BNC1: variants seen among roughly 807,000 people sequenced by gnomAD.
BNC1 encodes the protein basonuclin zinc finger protein 1.
Under a neutral mutation model 66.5 loss-of-function variants are expected in BNC1, and 8 were observed. The ratio of observed to expected loss-of-function variants is 0.12; its 90% confidence interval spans 0.07 to 0.22. The LOEUF (loss-of-function observed/expected upper bound fraction) is 0.22, where lower values mean the gene tolerates loss of function less well. BNC1 is among the 10% of genes least tolerant of loss of function. BNC1 has a pLI of 1.00. For missense variants in BNC1, 1,069 were observed against 1,241.3 expected (o/e 0.86, Z 2.09); for synonymous variants, 454 against 452.6 (o/e 1.00, Z -0.04).
intron 1 of BNC1, among the ~76,000 whole-genome samples, chr15:83,273,075 T>G (rs1024471624): frequency 6.6e-6 from 1 of 152,170 alleles, no homozygotes; most frequent in Admixed American, 6.5e-5. Context: ...TTTAAATAAT[T>G]TTGTCTATAA....
chr15:83,259,978 CCCCT>C (rs1238805749), intron 4 of BNC1, among the ~76,000 whole-genome samples: 1 of 152,152 alleles, frequency 6.6e-6, no homozygotes, highest in Non-Finnish European at 1.5e-5. Context: ...CTCTACCTCT[CCCCT>C]CCAACTCTTC....
In BNC1 at chr15:83,263,572, T is replaced by C. The variant is rs771928056; in HGVS notation, c.1679A>G (p.Asn560Ser). The change falls in exon 4 of 5, where the codon AAC (asparagine) becomes AGC (serine). Residue 560 changes from asparagine (N) to serine (S), a missense_variant. By Grantham distance (46) the Asn-to-Ser change is conservative. Transcript: ENST00000345382. ...GGGCATGTCTTCATCTGAGCTGAGG[T>C]TGTGTCTTTTCTCATTAGCTATTTC... ...AVEIANEKRH[N>S]LSSDEDMPLQ... 4 of 1,614,206 alleles carry C rather than the reference T, an allele frequency of 2.5e-6. No homozygotes were observed. In the South Asian group the frequency reaches 4.4e-5, roughly 18 times the overall value.
At chr15:83,265,189 A>G (rs2038203866) in intron 3 of BNC1, among the ~76,000 whole-genome samples, 1 of 152,248 alleles carries the variant, frequency 6.6e-6, no homozygotes, top group Non-Finnish European at 1.5e-5. Flanking sequence ...AACAATAGTA[A>G]CTTCTTTATC....
At chr15:83,265,504 A>C (rs953864890) in intron 3 of BNC1, among the ~76,000 whole-genome samples, 1 of 152,206 alleles carries the variant, frequency 6.6e-6, no homozygotes, top group African/African-American at 2.4e-5. Context: ...TAACATCATA[A>C]ATTTTTCATG....
chr15:83,256,958 C>T lies in BNC1; in HGVS notation c.*484G>A, dbSNP rs961414398. 1 of 158,698 alleles carries T rather than the reference C, an allele frequency of 6.3e-6. No homozygotes were observed. The highest frequency in any genetic ancestry group is 2.4e-5 in the African/African-American group (1 of 41,476). The allele number at this position is 158,698 out of a possible 1,614,324, so 9.8% of individuals were successfully genotyped here. A position where few individuals can be genotyped will look rare whatever the true frequency, so the allele number is the denominator to read the frequency against. On this transcript the variant is annotated 3_prime_UTR_variant, in exon 5 of 5. Coordinates refer to ENST00000345382, the MANE Select transcript of BNC1 (RefSeq NM_001717.4). ...AAACACAGGGATGGTCTCAAAAAAT[C>T]AGTCTTCCAAACTCAGGTCTGGATT...
At chr15:83,283,607 G>A (rs2038408129) in intron 1 of BNC1, 1 of 740,768 alleles carries the variant, frequency 1.3e-6, no homozygotes, top group Non-Finnish European at 1.6e-6. Context: ...AGGCGCAGCC[G>A]CGGGCTCCGC....
At position 83,268,201 on chromosome 15, in the gene BNC1, T is replaced by C; in HGVS notation, c.131A>G (p.Gln44Arg). 1 of 1,614,200 alleles carries C rather than the reference T, an allele frequency of 6.2e-7. No homozygotes were observed. The highest frequency in any genetic ancestry group is 1.3e-5 in the African/African-American group (1 of 75,054). ...GTTTATTTTCCCGGGTTTGAAACTTTGGCAACTACAGTTCAGAGTACAGCT... is the reference window on the plus strand; with the variant it reads ...GTTTATTTTCCCGGGTTTGAAACTTCGGCAACTACAGTTCAGAGTACAGCT... ...AISCTLNCSC[Q>R]SFKPGKINHR... Residue 44 changes from glutamine to arginine, a missense_variant, in exon 2 of 5, where the codon CAA becomes CGA. Gln to Arg is a conservative substitution (Grantham distance 43). This residue lies in a region of BNC1 where 78 missense variants were observed against 80.9 expected (regional missense o/e 0.96). Coordinates refer to ENST00000345382, the MANE Select transcript of BNC1 (RefSeq NM_001717.4).
At chr15:83,267,687 T>G (rs4843132) in intron 2 of BNC1, among the ~76,000 whole-genome samples, 152,170 of 152,312 alleles carry the variant, frequency 1, 76,020 homozygotes, top group Middle Eastern at 1. Context: ...AAAAAAAGAT[T>G]CCCAGTTAAA....
chr15:83,256,940 G>C lies in BNC1; in HGVS notation c.*502C>G, dbSNP rs1360560202. The stretch of plus-strand genomic sequence containing the variant: ...GGGACAATTATCCACTCCAAACACA[G>C]GGATGGTCTCAAAAAATCAGTCTTC... On this transcript the variant is annotated 3_prime_UTR_variant, in exon 5 of 5. Coordinates refer to ENST00000345382, the MANE Select transcript of BNC1 (RefSeq NM_001717.4). The C allele has an allele frequency of 6.3e-6, 1 of 158,866 alleles. No individual in the cohort carries two copies. The highest frequency in any genetic ancestry group is 2.4e-5 in the African/African-American group (1 of 41,464). 9.8% of individuals were successfully genotyped at this position (158,866 alleles called of 1,614,324 possible). A position where few individuals can be genotyped will look rare whatever the true frequency, so the allele number is the denominator to read the frequency against.
rs562032996 is a variant in BNC1, at chr15:83,275,560, G to A, written c.100-7328C>T. On this transcript the variant is annotated intron_variant, in intron 1 of 4. Coordinates refer to ENST00000345382, the MANE Select transcript of BNC1 (RefSeq NM_001717.4). ...TTAACTGGGTGGCATGGAGGGATAG[G>A]GACAGGAGTAAGAATGTTTTAGATT... Among the ~76,000 whole-genome samples, 3 of 152,144 alleles carry A rather than the reference G, an allele frequency of 2.0e-5. No homozygotes were observed. The East Asian group carries it at 5.8e-4, about 29-fold the overall frequency.
At position 83,256,301 on chromosome 15, in the gene BNC1, G is replaced by GAACT. The variant is rs1268464337; in HGVS notation, c.*1137_*1140dup. On this transcript the variant is annotated 3_prime_UTR_variant, in exon 5 of 5. Transcript: ENST00000345382. ...ATGGTTTCATTCCACAGGACTGACT[G>GAACT]AACTTCCTTTCTACCATGGAAAATG... The GAACT allele has an allele frequency of 1.3e-5, 2 of 152,626 alleles. No homozygotes were observed. The highest frequency in any genetic ancestry group is 2.9e-5 in the Non-Finnish European group (2 of 68,050). The allele number at this position is 152,626 out of a possible 1,614,324, so 9.5% of individuals were successfully genotyped here.
intron 1 of BNC1, among the ~76,000 whole-genome samples, chr15:83,280,667 A>C (rs1033386129): frequency 6.6e-6 from 1 of 152,194 alleles, no homozygotes; most frequent in African/African-American, 2.4e-5. Flanking sequence ...TACCTTCATA[A>C]TGAATAATGC....
At chr15:83,260,552 C>T (rs1596588728) in intron 4 of BNC1, among the ~76,000 whole-genome samples, 1 of 152,294 alleles carries the variant, frequency 6.6e-6, no homozygotes, top group East Asian at 1.9e-4. Context: ...AGGTGCCCTC[C>T]CACAACAGCC....
Position 83,264,367 on chromosome 15 carries a change from G to A in BNC1, c.884C>T (p.Thr295Ile), listed in dbSNP as rs938736946. Reference protein sequence around the residue: ...PDSSFLTSSSTPFQVEKDQCL... With the variant: ...PDSSFLTSSSIPFQVEKDQCL... ...CTGATCTTTTTCAACCTGAAATGGT[G>A]TGGAACTGGAAGTTAAGAAGCTGCT... The change falls in exon 4 of 5, where the codon ACA (threonine) becomes ATA (isoleucine). Residue 295 changes from threonine (T) to isoleucine (I), a missense_variant. Coordinates refer to ENST00000345382, the MANE Select transcript of BNC1 (RefSeq NM_001717.4). 4 of 1,614,180 alleles carry A rather than the reference G, an allele frequency of 2.5e-6. No homozygotes were observed. The highest frequency in any genetic ancestry group is 2.7e-5 in the African/African-American group (2 of 75,042).
At chr15:83,272,980 G>A (rs761686641) in intron 1 of BNC1, among the ~76,000 whole-genome samples, 1 of 149,836 alleles carries the variant, frequency 6.7e-6, no homozygotes, top group Non-Finnish European at 1.5e-5. Flanking sequence ...AAATGCCCTT[G>A]GGGGGGGGCC....
Position 83,264,489 on chromosome 15 carries a change from A to G in BNC1, c.762T>C (p.Pro254=), listed in dbSNP as rs373843067. ...LPFQFFNPLP[P]ALIGSLPEQY... Reference sequence around the variant, plus strand: ...GTTCGGGCAATGACCCTATCAGTGCAGGAGGCAGAGGGTTGAAGAACTGGA... The same window carrying G: ...GTTCGGGCAATGACCCTATCAGTGCGGGAGGCAGAGGGTTGAAGAACTGGA... The change falls in exon 4 of 5, where the codon CCT becomes CCC. Residue 254 remains proline, a synonymous_variant. Transcript: ENST00000345382. 4.3e-6 allele frequency: 7 copies of G among 1,614,082 alleles called. No individual in the cohort carries two copies. In the Admixed American group the frequency reaches 8.3e-5, roughly 19 times the overall value.
chr15:83,271,765 A>G (rs1046407571), intron 1 of BNC1, among the ~76,000 whole-genome samples: 8 of 152,206 alleles, frequency 5.3e-5, no homozygotes, highest in African/African-American at 1.9e-4. Context: ...ATCAAGAAAC[A>G]CTGTTCTAAT....
intron 1 of BNC1, among the ~76,000 whole-genome samples, chr15:83,268,843 C>A (rs908203879): frequency 4.6e-5 from 7 of 152,174 alleles, no homozygotes; most frequent in Non-Finnish European, 8.8e-5. Flanking sequence ...TGTTATGGTG[C>A]CATGTTTTAT....
At chr15:83,284,352 C>G (rs1203518580) in intron 1 of BNC1, among the ~76,000 whole-genome samples, 178 bp downstream of exon 1, 1 of 151,868 alleles carries the variant, frequency 6.6e-6, no homozygotes, top group East Asian at 1.9e-4. Flanking sequence ...CCGCCGCCTC[C>G]CGGCCGGAGA....
Sources: gnomAD v4.1 joint callset for allele counts (sites outside exome capture counted in the v4.1 genomes callset) on GRCh38, gnomAD v4.1.1 for gene constraint, gnomAD v4.1.1 regional missense constraint, MANE v1.5 for transcripts, NCBI Gene and HGNC (gene_info 2026-07-23, HGNC 2026-07-21) for gene names.